The following POU2F1 variants were observed in gnomAD, a reference collection of about 807,000 sequenced individuals.
POU2F1 encodes POU domain, class 2, transcription factor 1.
In POU2F1, 16 loss-of-function variants were observed where a neutral mutation model predicts 84.9. The ratio of observed to expected loss-of-function variants is 0.19; its 90% confidence interval spans 0.13 to 0.29. The LOEUF (loss-of-function observed/expected upper bound fraction) is 0.29. Among genes scored for constraint, POU2F1 ranks in the 10% least tolerant of loss-of-function variants. POU2F1 has a pLI of 1.00. For synonymous variants in POU2F1, 368 were observed against 368.3 expected (o/e 1.00, Z 0.01); for missense variants, 738 against 942.6 (o/e 0.78, Z 2.84).
At chr1:167,263,009 A>G (rs910890320) in intron 1 of POU2F1, among the ~76,000 whole-genome samples, 2 of 152,216 alleles carry the variant, frequency 1.3e-5, no homozygotes, top group African/African-American at 2.4e-5. Flanking sequence ...TGTTTTGAGT[A>G]ATATGATCTG....
At chr1:167,387,233 C>A (rs1314045908) in intron 8 of POU2F1, 1 of 455,826 alleles carries the variant, frequency 2.2e-6, no homozygotes, top group Non-Finnish European at 4.4e-6. Context: ...TTATCTGTAA[C>A]CACCCCATCT....
chr1:167,394,167 G>A (rs973114434), intron 9 of POU2F1, among the ~76,000 whole-genome samples: 3 of 151,856 alleles, frequency 2.0e-5, no homozygotes, highest in African/African-American at 7.3e-5. Context: ...TTACAGGGGT[G>A]TGCCACCACA....
Position 167,339,431 on chromosome 1 carries a change from G to A in POU2F1, c.127+6896G>A, listed in dbSNP as rs548095511. On this transcript the variant is annotated intron_variant, in intron 2 of 15. Transcript: ENST00000367866. ...ATCATCTCTATTTTAGATGATAGTTGGAAAAGTAAAGAAGTTGTTTGAAGT... is the reference window on the plus strand; with the variant it reads ...ATCATCTCTATTTTAGATGATAGTTAGAAAAGTAAAGAAGTTGTTTGAAGT... 3.9e-5 allele frequency among the ~76,000 whole-genome samples: 6 copies of A among 152,236 alleles called. No homozygotes were observed. In the East Asian group the frequency reaches 1.2e-3, roughly 29 times the overall value.
chr1:167,403,525 T>C (rs1033562139), intron 13 of POU2F1, among the ~76,000 whole-genome samples: 7 of 152,232 alleles, frequency 4.6e-5, no homozygotes, highest in Admixed American at 3.9e-4. Flanking sequence ...TTGTTTTTCC[T>C]CTTTGGACTG....
intron 13 of POU2F1, 45 bp from the exon 14 acceptor site, chr1:167,411,914 A>T (rs780624767): frequency 6.5e-7 from 1 of 1,546,100 alleles, no homozygotes; most frequent in South Asian, 1.2e-5. Flanking sequence ...CATTCTTCCA[A>T]AACCATTTAC....
At chr1:167,263,990 G>GTTA (rs1424176988) in intron 1 of POU2F1, among the ~76,000 whole-genome samples, 2 of 152,128 alleles carry the variant, frequency 1.3e-5, no homozygotes, top group African/African-American at 4.8e-5. Flanking sequence ...CCAATCCTGG[G>GTTA]TTATGATGGT....
intron 2 of POU2F1, among the ~76,000 whole-genome samples, chr1:167,364,488 C>T (rs1233921118): frequency 1.6e-5 from 2 of 129,020 alleles, no homozygotes; most frequent in African/African-American, 5.8e-5. Context: ...CGAGATCCCG[C>T]CACTGCACTC....
At chr1:167,347,870 T>A (rs1212145328) in intron 2 of POU2F1, among the ~76,000 whole-genome samples, 1 of 152,216 alleles carries the variant, frequency 6.6e-6, no homozygotes, top group Admixed American at 6.5e-5. Flanking sequence ...CAGTACTCAT[T>A]CCTTTTATGG....
At position 167,396,280 on chromosome 1, in the gene POU2F1, G is replaced by A; in HGVS notation, c.988-6G>A. 2 of 1,614,084 alleles carry A rather than the reference G, an allele frequency of 1.2e-6. No homozygotes were observed. Among genetic ancestry groups the A allele is most frequent in the Non-Finnish European group, 1.7e-6 (2 of 1,179,948 alleles). ...CTCCTCTTCTCCTGCTCTGTATTGTGTGTAGGGTGATGTTGGGCTCGCTAT... is the reference window on the plus strand; with the variant it reads ...CTCCTCTTCTCCTGCTCTGTATTGTATGTAGGGTGATGTTGGGCTCGCTAT... On this transcript the variant is annotated splice_region_variant and splice_polypyrimidine_tract_variant and intron_variant, in intron 9 of 15. Transcript: ENST00000367866.
At chr1:167,308,454 TTAA>T (rs1156455911) in intron 1 of POU2F1, among the ~76,000 whole-genome samples, 9 of 152,230 alleles carry the variant, frequency 5.9e-5, no homozygotes, top group African/African-American at 2.2e-4. Flanking sequence ...CTCTTTGTAA[TTAA>T]TAATTATTTT....
intron 1 of POU2F1, among the ~76,000 whole-genome samples, chr1:167,249,304 C>A (rs555608475): frequency 6.6e-6 from 1 of 152,310 alleles, no homozygotes; most frequent in African/African-American, 2.4e-5. Flanking sequence ...TTGTAAACTC[C>A]TCTAAACTCC....
At chr1:167,229,082 C>T (rs991670781) in intron 1 of POU2F1, among the ~76,000 whole-genome samples, 1 of 151,938 alleles carries the variant, frequency 6.6e-6, no homozygotes, top group African/African-American at 2.4e-5. Context: ...CACTTTGGGG[C>T]TCTATTGTGG....
At chr1:167,272,212 C>A (rs950130592) in intron 1 of POU2F1, among the ~76,000 whole-genome samples, 1 of 151,280 alleles carries the variant, frequency 6.6e-6, no homozygotes, top group African/African-American at 2.4e-5. Context: ...AATTCATTTT[C>A]TGTATTCTTA....
chr1:167,240,454 C>G (rs137994665), intron 1 of POU2F1, among the ~76,000 whole-genome samples: 2 of 151,932 alleles, frequency 1.3e-5, no homozygotes, highest in Non-Finnish European at 2.9e-5. Context: ...TTTATATACT[C>G]GTGGGTAATT....
intron 2 of POU2F1, among the ~76,000 whole-genome samples, chr1:167,363,631 A>T (rs779687172): frequency 6.6e-6 from 1 of 152,218 alleles, no homozygotes; most frequent in African/African-American, 2.4e-5. Flanking sequence ...TTTTCACGCA[A>T]GTTTTCAATT....
rs1275480472 is a variant in POU2F1, at chr1:167,290,932, G to C, written c.62-41538G>C. Among the ~76,000 whole-genome samples the C allele has an allele frequency of 2.6e-5, 4 of 151,778 alleles. No homozygotes were observed. In the East Asian group the frequency reaches 5.8e-4, roughly 22 times the overall value. On this transcript the variant is annotated intron_variant, in intron 1 of 15. Transcript: ENST00000367866. ...TGGTTGGCATGTGCCTATAATCCCA[G>C]CTACTGGGGAGGCTAAGGCAGGAGG...
Position 167,422,079 on chromosome 1 carries a change from CAT to C in POU2F1, c.*6272_*6273del, listed in dbSNP as rs1650681719. Reference sequence around the variant, plus strand: ...GCAGTGTGTGGTGGCATGCAGGTAACATATGGGGTGTCCAGTAGGTTCAGGGA... The same window carrying C: ...GCAGTGTGTGGTGGCATGCAGGTAACATGGGGTGTCCAGTAGGTTCAGGGA... On this transcript the variant is annotated 3_prime_UTR_variant, in exon 16 of 16. Transcript: ENST00000367866. 1 of 152,228 alleles carries C rather than the reference CAT, an allele frequency of 6.6e-6. No individual in the cohort carries two copies. The highest frequency in any genetic ancestry group is 1.5e-5 in the Non-Finnish European group (1 of 68,072). 9.4% of individuals were successfully genotyped at this position (152,228 alleles called of 1,614,324 possible). A position where few individuals can be genotyped will look rare whatever the true frequency, so the allele number is the denominator to read the frequency against.
chr1:167,303,328 G>A (rs1211246013), intron 1 of POU2F1: 1 of 153,390 alleles, frequency 6.5e-6, no homozygotes, highest in Non-Finnish European at 1.5e-5. Flanking sequence ...ATAGGTACAA[G>A]AGGTGCCTGC....
intron 9 of POU2F1, among the ~76,000 whole-genome samples, chr1:167,390,360 A>G (rs113903151): frequency 0.025 from 3,768 of 152,328 alleles, 148 homozygotes; most frequent in African/African-American, 0.084. Context: ...AAAAGATTGT[A>G]TGGAGGATTT....
Sources: allele counts gnomAD v4.1 joint callset (sites outside exome capture counted in the v4.1 genomes callset), GRCh38; gene constraint gnomAD v4.1.1; transcripts MANE v1.5; gene names NCBI Gene and HGNC (gene_info 2026-07-23, HGNC 2026-07-21).